CPA6: variants seen among roughly 807,000 people sequenced by gnomAD.
CPA6 encodes the protein carboxypeptidase B.
A neutral mutation model predicts 63.3 loss-of-function variants in CPA6; 58 were observed. That is an observed-to-expected ratio of 0.92 (90% CI 0.74 to 1.14). The LOEUF (loss-of-function observed/expected upper bound fraction) is 1.14. CPA6 is among the 50% of genes most tolerant of loss of function. CPA6 has a pLI of 0.00. For missense variants in CPA6, 565 were observed against 526.6 expected, an observed-to-expected ratio of 1.07 and a Z score of -0.71; for synonymous variants, 185 against 179.0, an observed-to-expected ratio of 1.03 and a Z score of -0.27.
chr8:67,652,588 T>C (rs541420560), intron 1 of CPA6, among the ~76,000 whole-genome samples: 1,711 of 151,470 alleles, frequency 0.011, 10 homozygotes, highest in South Asian at 0.039. Context: ...TTTGATGGGG[T>C]TGTTTTTTTC....
chr8:67,488,811 A>T (rs1408200904), intron 6 of CPA6, among the ~76,000 whole-genome samples: 2 of 152,126 alleles, frequency 1.3e-5, no homozygotes, highest in Non-Finnish European at 2.9e-5. Flanking sequence ...TTCTCTTTGT[A>T]GCAATTGTGA....
Position 67,451,076 on chromosome 8 carries a change from A to C in CPA6, c.839-16836T>G, listed in dbSNP as rs576322907. Among the ~76,000 whole-genome samples the C allele has an allele frequency of 1.1e-4, 17 of 152,188 alleles. 1 individual carries two copies. The East Asian group carries it at 3.3e-3, about 29-fold the overall frequency. ...AAAACAGACACCCTCACTACCCTTT[A>C]AATGTTAGTTAAATGAATAAGTGGA... is the stretch of plus-strand genomic sequence containing the variant. On this transcript the variant is annotated intron_variant, in intron 8 of 10. Transcript: ENST00000297770.
intron 2 of CPA6, among the ~76,000 whole-genome samples, chr8:67,547,280 TG>T (rs1812838138): frequency 6.6e-6 from 1 of 152,126 alleles, no homozygotes. Context: ...TCTCCTGACC[TG>T]GTGATCCGCC....
chr8:67,672,010 A>G (rs1816359368), intron 1 of CPA6, among the ~76,000 whole-genome samples: 1 of 151,976 alleles, frequency 6.6e-6, no homozygotes, highest in Non-Finnish European at 1.5e-5. Context: ...TTGTATTTTT[A>G]GTAGAGACAG....
chr8:67,695,976 C>A (rs1816905966), intron 1 of CPA6, among the ~76,000 whole-genome samples: 1 of 152,094 alleles, frequency 6.6e-6, no homozygotes, highest in African/African-American at 2.4e-5. Context: ...CAGAAGATAA[C>A]AATAATTCTG....
At chr8:67,687,711 C>T (rs1391564669) in intron 1 of CPA6, among the ~76,000 whole-genome samples, 2 of 152,232 alleles carry the variant, frequency 1.3e-5, no homozygotes, top group South Asian at 2.1e-4. Flanking sequence ...TCTTTCATTA[C>T]TTATTGTTGT....
chr8:67,453,958 A>G (rs1243127991), intron 8 of CPA6, among the ~76,000 whole-genome samples: 2 of 152,230 alleles, frequency 1.3e-5, no homozygotes, highest in Non-Finnish European at 2.9e-5. Flanking sequence ...GAAGCACATT[A>G]GACACTGGAA....
At chr8:67,666,804 G>A (rs1816239559) in intron 1 of CPA6, among the ~76,000 whole-genome samples, 1 of 152,104 alleles carries the variant, frequency 6.6e-6, no homozygotes, top group Non-Finnish European at 1.5e-5. Flanking sequence ...TGACAGGATG[G>A]GGGAATCTAT....
At chr8:67,427,354 A>G (rs1213460312) in intron 10 of CPA6, among the ~76,000 whole-genome samples, 4 of 152,206 alleles carry the variant, frequency 2.6e-5, no homozygotes, top group African/African-American at 9.6e-5. Context: ...AAAGTATAAA[A>G]TCATCTTGCT....
At chr8:67,454,125 T>A (rs540930359) in intron 8 of CPA6, among the ~76,000 whole-genome samples, 1 of 152,370 alleles carries the variant, frequency 6.6e-6, no homozygotes, top group East Asian at 1.9e-4. Context: ...TCATCTTCTA[T>A]ACCAACCCTG....
Position 67,637,981 on chromosome 8 carries a change from TTG to T in CPA6, c.117-13732_117-13731del, listed in dbSNP as rs3055710. On this transcript the variant is annotated intron_variant, in intron 1 of 10. Coordinates refer to ENST00000297770, the MANE Select transcript of CPA6 (RefSeq NM_020361.5). Reference sequence around the variant, plus strand: ...AAAGCCCTTAGTAATGCTAGAAATTTTGTGTGTGTGTGTGTGTGTGTGTGTGC... The same window carrying T: ...AAAGCCCTTAGTAATGCTAGAAATTTTGTGTGTGTGTGTGTGTGTGTGTGC... Among the ~76,000 whole-genome samples the T allele has an allele frequency of 7.4e-3, 1,077 of 146,310 alleles. 15 individuals carry two copies. The highest frequency in any genetic ancestry group is 8.3e-3 in the Non-Finnish European group (552 of 66,868).
At chr8:67,639,401 G>A (rs1587660453) in intron 1 of CPA6, among the ~76,000 whole-genome samples, 1 of 151,574 alleles carries the variant, frequency 6.6e-6, no homozygotes, top group Admixed American at 6.6e-5. Context: ...AGCTACAAGG[G>A]GTATGTGAAT....
Position 67,746,215 on chromosome 8 carries a change from G to C in CPA6, c.-86C>G. ...CACAGCACCCTCTACACACCGCACA[G>C]GTTCTCCGGGAAGGGGGTGGGCGAG... On this transcript the variant is annotated 5_prime_UTR_variant, in exon 1 of 11. Transcript: ENST00000297770. 1.2e-6 allele frequency: 1 copy of C among 857,018 alleles called. No individual in the cohort carries two copies. 53.1% of individuals were successfully genotyped at this position (857,018 alleles called of 1,614,324 possible).
chr8:67,583,719 G>A (rs946236824), intron 2 of CPA6, among the ~76,000 whole-genome samples: 8 of 152,138 alleles, frequency 5.3e-5, no homozygotes, highest in Non-Finnish European at 2.9e-5. Context: ...AGATGCTAGC[G>A]ATTGTTAGGC....
intron 6 of CPA6, among the ~76,000 whole-genome samples, chr8:67,503,699 T>C (rs749954130): frequency 1.3e-4 from 20 of 152,120 alleles, no homozygotes; most frequent in Non-Finnish European, 2.4e-4. Flanking sequence ...TATTGTTTAT[T>C]ATATGCCAAA....
chr8:67,593,239 G>A (rs1363419791), intron 2 of CPA6, among the ~76,000 whole-genome samples: 1 of 150,674 alleles, frequency 6.6e-6, no homozygotes, highest in Non-Finnish European at 1.5e-5. Context: ...ATTGCACTGT[G>A]GTCTGAGAGA....
intron 2 of CPA6, 109 bp downstream of exon 2, chr8:67,624,067 G>C (rs1815142823): frequency 6.0e-6 from 4 of 670,602 alleles, no homozygotes; most frequent in Admixed American, 5.5e-5. Context: ...TATCTCCTTA[G>C]CCTTTACTTT....
Position 67,570,738 on chromosome 8 carries a change from A to T in CPA6, c.193-52691T>A, listed in dbSNP as rs146387743. 3.3e-3 allele frequency among the ~76,000 whole-genome samples: 501 copies of T among 152,310 alleles called. 3 individuals carry two copies. Among genetic ancestry groups the T allele is most frequent in the African/African-American group, 0.011 (468 of 41,576 alleles). On this transcript the variant is annotated intron_variant, in intron 2 of 10. Transcript: ENST00000297770. Reference sequence around the variant, plus strand: ...AAGATTCAGAACATACCACTACAGAAAACCATCAAATCACAAAGGAAGACA... The same window carrying T: ...AAGATTCAGAACATACCACTACAGATAACCATCAAATCACAAAGGAAGACA...
chr8:67,664,401 C>T (rs900313810), intron 1 of CPA6, among the ~76,000 whole-genome samples: 1 of 152,184 alleles, frequency 6.6e-6, no homozygotes, highest in Admixed American at 6.5e-5. Context: ...GGCATACTTT[C>T]CTAACAGCCT....
Sources: gnomAD v4.1 joint callset for allele counts (sites outside exome capture counted in the v4.1 genomes callset) on GRCh38, gnomAD v4.1.1 for gene constraint, MANE v1.5 for transcripts, NCBI Gene and HGNC (gene_info 2026-07-23, HGNC 2026-07-21) for gene names.